Variants in HOOK1 observed in about 807,000 individuals in gnomAD.
HOOK1 encodes the protein protein Hook homolog 1.
HOOK1 carries 60 observed loss-of-function variants against 112.8 expected under a neutral mutation model. The ratio of observed to expected loss-of-function variants is 0.53; its 90% confidence interval spans 0.43 to 0.66. HOOK1 has a LOEUF of 0.66. Among genes scored for constraint, HOOK1 ranks in the 30% least tolerant of loss-of-function variants. HOOK1 has a pLI of 0.00. For missense variants in HOOK1, 770 were observed against 856.0 expected (o/e 0.90, Z 1.25); for synonymous variants, 294 against 283.8 (o/e 1.04, Z -0.36).
intron 21 of HOOK1, among the ~76,000 whole-genome samples, chr1:59,871,734 A>G (rs2102079725): frequency 6.6e-6 from 1 of 152,344 alleles, no homozygotes; most frequent in Middle Eastern, 3.4e-3. Context: ...AGAATAGGCT[A>G]TTATCTACTT....
chr1:59,868,397 C>T (rs1347434044), intron 20 of HOOK1, 46 bp downstream of exon 20: 1 of 1,097,218 alleles, frequency 9.1e-7, no homozygotes, highest in Admixed American at 1.9e-5. Context: ...TTGTAGAATC[C>T]TGGTAATTAA....
At position 59,864,906 on chromosome 1, in the gene HOOK1, CA is replaced by C. The variant is rs1643933154; in HGVS notation, c.1661+241del. The stretch of plus-strand genomic sequence containing the variant: ...AAGTTTAAAAAAACAGATTAACTAT[CA>C]CAACTAGATTATATGGGATGTTAAA... On this transcript the variant is annotated intron_variant, in intron 17 of 21. Transcript: ENST00000371208. 2.2e-5 allele frequency: 12 copies of C among 557,646 alleles called. No individual in the cohort carries two copies. In the East Asian group the frequency reaches 3.2e-4, roughly 15 times the overall value. 34.5% of individuals were successfully genotyped at this position (557,646 alleles called of 1,614,324 possible).
rs568625302 is a variant in HOOK1 at position 59,821,660 on chromosome 1, T to C, written c.64-198T>C. 1.8e-4 allele frequency among the ~76,000 whole-genome samples: 28 copies of C among 152,348 alleles called. 1 individual carries two copies. The highest frequency in any genetic ancestry group is 1.4e-3 in the Admixed American group (21 of 15,310). On this transcript the variant is annotated intron_variant, in intron 1 of 21. Transcript: ENST00000371208. Reference sequence around the variant, plus strand: ...GGCATGATTTTGTGAAATGTTTAGTTTATTTTTATAAAGTTACACAGCCAT... The same window carrying C: ...GGCATGATTTTGTGAAATGTTTAGTCTATTTTTATAAAGTTACACAGCCAT...
intron 9 of HOOK1, among the ~76,000 whole-genome samples, chr1:59,846,564 TTCC>T (rs1559053109): frequency 6.4e-4 from 44 of 69,124 alleles, no homozygotes; most frequent in African/African-American, 2.7e-3. Context: ...CCTTCCTTCC[TTCC>T]TTCCTTCCTT....
intron 16 of HOOK1, chr1:59,863,883 C>G: frequency 4.5e-6 from 4 of 889,020 alleles, no homozygotes; most frequent in Non-Finnish European, 4.0e-6. Flanking sequence ...TGTAACTTCT[C>G]TAATACAAAT....
Position 59,858,444 on chromosome 1 carries a change from G to A in HOOK1, c.1259G>A (p.Arg420His), listed in dbSNP as rs767828805. ...LKEKERLIEQRDTLKETNEEL... is the reference protein window; with the variant it reads ...LKEKERLIEQHDTLKETNEEL... ...TCTTTTCAGAGACTAATTGAGCAGC[G>A]TGATACTTTGAAAGAAACAAATGAA... is the stretch of plus-strand genomic sequence containing the variant. Residue 420 changes from arginine to histidine, a missense_variant, in exon 13 of 22, where the codon CGT (arginine) becomes CAT (histidine). Arg to His is a conservative substitution (Grantham distance 29). This residue lies in a region of HOOK1 where 655 missense variants were observed against 725.9 expected (regional missense o/e 0.90). Transcript: ENST00000371208. The A allele has an allele frequency of 1.6e-5, 25 of 1,610,896 alleles. No homozygotes were observed. The highest frequency in any genetic ancestry group is 1.5e-4 in the South Asian group (14 of 91,022).
chr1:59,837,989 C>T (rs1025051725), intron 7 of HOOK1, among the ~76,000 whole-genome samples: 3 of 152,096 alleles, frequency 2.0e-5, no homozygotes, highest in Non-Finnish European at 4.4e-5. Flanking sequence ...ATGATTGTTT[C>T]CAGCTTCATC....
In HOOK1 at chr1:59,876,076, C is replaced by T. The variant is rs1051145; in HGVS notation, c.*3111C>T. On this transcript the variant is annotated 3_prime_UTR_variant, in exon 22 of 22. Transcript: ENST00000371208. ...CTATGTAAAAATGTGTGTATGTGAA[C>T]GTATGCATACATTTTTATTGTGCAC... 4,917 of 152,610 alleles carry T rather than the reference C, an allele frequency of 0.032. 134 individuals carry two copies. Among genetic ancestry groups the T allele is most frequent in the Admixed American group, 0.087 (1,329 of 15,284 alleles). The allele number at this position is 152,610 out of a possible 1,614,324, so 9.5% of individuals were successfully genotyped here.
chr1:59,866,947 A>G (rs1259790881), intron 19 of HOOK1, among the ~76,000 whole-genome samples: 1 of 152,192 alleles, frequency 6.6e-6, no homozygotes, highest in Non-Finnish European at 1.5e-5. Context: ...TAGAAATGGA[A>G]GTATTGGGTC....
Position 59,835,359 on chromosome 1 carries a change from A to G in HOOK1, c.421A>G (p.Ile141Val), listed in dbSNP as rs1559048237. 1 of 1,582,896 alleles carries G rather than the reference A, an allele frequency of 6.3e-7. No individual in the cohort carries two copies. Among genetic ancestry groups the G allele is most frequent in the Admixed American group, 1.7e-5 (1 of 59,446 alleles). Reference sequence around the variant, plus strand: ...TTAAATCATAGAACATATTCAAAATATAATGACACTGGAAGAGTCTGTTCA... The same window carrying G: ...TTAAATCATAGAACATATTCAAAATGTAATGACACTGGAAGAGTCTGTTCA... ...CEKKQEHIQN[I>V]MTLEESVQHV... The change falls in exon 6 of 22, where the codon ATA (isoleucine) becomes GTA (valine). Residue 141 changes from isoleucine (I) to valine (V), a missense_variant. Ile to Val is a conservative substitution (Grantham distance 29, BLOSUM62 3). Coordinates refer to ENST00000371208, the MANE Select transcript of HOOK1 (RefSeq NM_015888.6).
chr1:59,842,704 A>T (rs113821136), intron 8 of HOOK1, among the ~76,000 whole-genome samples: 161 of 152,280 alleles, frequency 1.1e-3, no homozygotes, highest in African/African-American at 3.7e-3. Context: ...TCTTAATCAT[A>T]TGTAAAAGTT....
At chr1:59,828,758 A>T in intron 2 of HOOK1, 22 bp from the exon 3 acceptor site, 2 of 1,597,226 alleles carry the variant, frequency 1.3e-6, no homozygotes. Flanking sequence ...CATCTTTAGT[A>T]TTTTTTTTGT....
At chr1:59,849,256 A>G in intron 12 of HOOK1, 73 bp downstream of exon 12, 1 of 966,188 alleles carries the variant, frequency 1.0e-6, no homozygotes, top group Non-Finnish European at 1.6e-6. Flanking sequence ...CTGTTTCTAT[A>G]ATCGTGGTGA....
intron 3 of HOOK1, 62 bp from the exon 4 acceptor site, chr1:59,832,101 C>A: frequency 1.1e-6 from 1 of 904,372 alleles, no homozygotes; most frequent in Non-Finnish European, 1.7e-6. Context: ...GTCTTTCATG[C>A]TGACATAACT....
intron 1 of HOOK1, among the ~76,000 whole-genome samples, chr1:59,817,161 T>G (rs2098382204): frequency 6.6e-6 from 1 of 152,224 alleles, no homozygotes; most frequent in African/African-American, 2.4e-5. Context: ...TGCTGAAGTA[T>G]TCCCCTTTTT....
intron 2 of HOOK1, among the ~76,000 whole-genome samples, 183 bp from the exon 3 acceptor site, chr1:59,828,597 A>G (rs1428899062): frequency 6.6e-6 from 1 of 152,174 alleles, no homozygotes; most frequent in Non-Finnish European, 1.5e-5. Flanking sequence ...AATGTTTATT[A>G]AATTGAAGGT....
chr1:59,833,704 C>A (rs985013518), intron 5 of HOOK1, among the ~76,000 whole-genome samples, 167 bp downstream of exon 5: 12 of 152,078 alleles, frequency 7.9e-5, no homozygotes, highest in Non-Finnish European at 1.6e-4. Context: ...AGTGGCATAC[C>A]TTGAGTGTCC....
intron 8 of HOOK1, among the ~76,000 whole-genome samples, chr1:59,842,733 A>G (rs949447691): frequency 1.3e-5 from 2 of 152,188 alleles, no homozygotes; most frequent in African/African-American, 4.8e-5. Context: ...ATCAAAAGAC[A>G]CAGCCTTAGC....
At chr1:59,846,997 A>T (rs755663514) in intron 9 of HOOK1, 48 bp from the exon 10 acceptor site, 1 of 1,451,262 alleles carries the variant, frequency 6.9e-7, no homozygotes, top group Non-Finnish European at 9.4e-7. Flanking sequence ...TTATATAATT[A>T]TAACAAATCA....
Sources: allele counts gnomAD v4.1 joint callset (sites outside exome capture counted in the v4.1 genomes callset), GRCh38; gene constraint gnomAD v4.1.1; regional missense constraint gnomAD v4.1.1; transcripts MANE v1.5; gene names NCBI Gene and HGNC (gene_info 2026-07-23, HGNC 2026-07-21).